ZC3H3: variants seen among roughly 807,000 people sequenced by gnomAD.
ZC3H3 encodes zinc finger CCCH domain-containing protein 3.
A neutral mutation model predicts 77.3 loss-of-function variants in ZC3H3; 36 were observed. That is an observed-to-expected ratio of 0.47 (90% CI 0.36 to 0.61). The LOEUF (loss-of-function observed/expected upper bound fraction) is 0.61. Among genes scored for constraint, ZC3H3 ranks in the 20% least tolerant of loss-of-function variants. The pLI is 0.00. For missense variants in ZC3H3, 1,331 were observed against 1,312.2 expected (o/e 1.01, Z -0.22); for synonymous variants, 626 against 555.2 (o/e 1.13, Z -1.79).
At chr8:143,472,076 G>A (rs1028834586) in intron 5 of ZC3H3, among the ~76,000 whole-genome samples, 16 of 152,258 alleles carry the variant, frequency 1.1e-4, no homozygotes, top group African/African-American at 3.6e-4. Flanking sequence ...GATGGCAGGC[G>A]GGCCTCCCCA....
intron 9 of ZC3H3, among the ~76,000 whole-genome samples, chr8:143,454,330 A>C (rs1393574944): frequency 2.0e-5 from 3 of 151,066 alleles, no homozygotes; most frequent in Non-Finnish European, 4.4e-5. Flanking sequence ...ACCTCAGGTG[A>C]TCTGCCCACC....
intron 3 of ZC3H3, among the ~76,000 whole-genome samples, chr8:143,516,524 A>G (rs1351867169): frequency 1.8e-5 from 2 of 109,354 alleles, no homozygotes; most frequent in Non-Finnish European, 3.9e-5. Context: ...AAACTTTGCA[A>G]TCACACACAC....
intron 3 of ZC3H3, among the ~76,000 whole-genome samples, chr8:143,527,647 G>A (rs192556611): frequency 6.6e-6 from 1 of 152,302 alleles, no homozygotes; most frequent in East Asian, 1.9e-4. Flanking sequence ...TATGAAAGCA[G>A]GACTCCAGAT....
rs1819729136 is a variant in ZC3H3, at chr8:143,441,071, G to GC, written c.2356dup (p.Ala786GlyfsTer146). 3 of 1,470,298 alleles carry GC rather than the reference G, an allele frequency of 2.0e-6. No individual in the cohort carries two copies. The highest frequency in any genetic ancestry group is 2.7e-6 in the Non-Finnish European group (3 of 1,122,048). The allele number at this position is 1,470,298 out of a possible 1,614,324, so 91.1% of individuals were successfully genotyped here. ...CTGGCACTGGGCGCCGCGGGGACACGCCCCCCTGCGGGCAAAGTCGGGGCA... is the reference window on the plus strand; with the variant it reads ...CTGGCACTGGGCGCCGCGGGGACACGCCCCCCCTGCGGGCAAAGTCGGGGCA... On this transcript the variant is annotated frameshift_variant, in exon 10 of 12. Transcript: ENST00000262577. LOFTEE classifies it high-confidence loss of function.
In ZC3H3 at chr8:143,538,243, C is replaced by T. The variant is rs769646967; in HGVS notation, c.1124G>A (p.Ser375Asn). The change falls in exon 2 of 12, where the codon AGC becomes AAC. Residue 375 changes from serine (S) to asparagine (N), a missense_variant. Around this residue, in one of 3 missense-constraint regions of ZC3H3, gnomAD observed 978 missense variants for 915.5 expected, o/e 1.07. Transcript: ENST00000262577. ...ATSSKPGSAP[S>N]KYKWKASSPS... ...GCTGGAGGCCTTCCACTTGTACTTG[C>T]TGGGGGCAGACCCTGGCTTGGAGGA... 1 of 1,613,032 alleles carries T rather than the reference C, an allele frequency of 6.2e-7. No homozygotes were observed. Among genetic ancestry groups the T allele is most frequent in the Non-Finnish European group, 8.5e-7 (1 of 1,180,032 alleles).
At chr8:143,455,905 G>A (rs1031644287) in intron 9 of ZC3H3, among the ~76,000 whole-genome samples, 7 of 149,956 alleles carry the variant, frequency 4.7e-5, no homozygotes, top group Non-Finnish European at 7.4e-5. Context: ...CCCAGGAGGC[G>A]GAGGTTGCAG....
chr8:143,510,471 G>A (rs1047621132), intron 3 of ZC3H3, among the ~76,000 whole-genome samples: 1 of 152,250 alleles, frequency 6.6e-6, no homozygotes, highest in African/African-American at 2.4e-5. Flanking sequence ...CGGACAGATG[G>A]GTAGTAGCAG....
At chr8:143,519,182 G>T (rs984580618) in intron 3 of ZC3H3, among the ~76,000 whole-genome samples, 1 of 152,234 alleles carries the variant, frequency 6.6e-6, no homozygotes. Context: ...GGGGCACAGG[G>T]CCAGGCAGGC....
chr8:143,465,064 G>T (rs1001934685), intron 9 of ZC3H3, among the ~76,000 whole-genome samples: 1 of 152,072 alleles, frequency 6.6e-6, no homozygotes, highest in African/African-American at 2.4e-5. Context: ...GAACTTCCCA[G>T]ACAGGTGAGC....
In ZC3H3 at chr8:143,525,861, T is replaced by C. The variant is rs55971076; in HGVS notation, c.1561+10396A>G. Among the ~76,000 whole-genome samples, 166 of 152,352 alleles carry C rather than the reference T, an allele frequency of 1.1e-3. 2 individuals carry two copies. The highest frequency in any genetic ancestry group is 3.9e-3 in the African/African-American group (163 of 41,588). On this transcript the variant is annotated intron_variant, in intron 3 of 11. Coordinates refer to ENST00000262577, the MANE Select transcript of ZC3H3 (RefSeq NM_015117.3). Reference sequence around the variant, plus strand: ...AGGCCATGGAGGCGGGCAGTGCCTCTGCACCACTCTCCCAGGAGGCCTCCC... The same window carrying C: ...AGGCCATGGAGGCGGGCAGTGCCTCCGCACCACTCTCCCAGGAGGCCTCCC...
intron 8 of ZC3H3, among the ~76,000 whole-genome samples, chr8:143,466,895 G>A (rs1438224066): frequency 6.6e-6 from 1 of 152,190 alleles, no homozygotes; most frequent in African/African-American, 2.4e-5. Context: ...GGGGGATCTG[G>A]GCAGACCCAG....
intron 4 of ZC3H3, among the ~76,000 whole-genome samples, chr8:143,480,679 G>A (rs973343124): frequency 5.3e-5 from 8 of 152,296 alleles, no homozygotes; most frequent in African/African-American, 1.7e-4. Context: ...GCGGCTCCTC[G>A]GGTGAGTCCA....
chr8:143,527,727 G>A (rs1822464950), intron 3 of ZC3H3, among the ~76,000 whole-genome samples: 1 of 152,178 alleles, frequency 6.6e-6, no homozygotes, highest in Admixed American at 6.5e-5. Flanking sequence ...CACACAGCAA[G>A]CAATGGTGGA....
intron 4 of ZC3H3, among the ~76,000 whole-genome samples, chr8:143,503,552 A>C (rs1821593695): frequency 1.1e-5 from 1 of 91,402 alleles, no homozygotes; most frequent in Non-Finnish European, 2.2e-5. Context: ...GCACCCAGCC[A>C]TCTCCCCAAC....
chr8:143,457,940 A>G (rs1307954734), intron 9 of ZC3H3, among the ~76,000 whole-genome samples: 2 of 152,226 alleles, frequency 1.3e-5, no homozygotes, highest in Admixed American at 6.5e-5. Flanking sequence ...AGGAAAAAAA[A>G]CAGCAAAATA....
rs1822683179 is a variant in ZC3H3, at chr8:143,533,339, G to T, written c.1561+2918C>A. Among the ~76,000 whole-genome samples, 1 of 152,078 alleles carries T rather than the reference G, an allele frequency of 6.6e-6. No homozygotes were observed. The highest frequency in any genetic ancestry group is 6.5e-5 in the Admixed American group (1 of 15,274). On this transcript the variant is annotated intron_variant, in intron 3 of 11. Coordinates refer to ENST00000262577, the MANE Select transcript of ZC3H3 (RefSeq NM_015117.3). The surrounding 1 kb of genome is among the most constrained non-coding windows in gnomAD (Gnocchi z 4.0). ...GCCCTATTCGCTCCTCTCTGCTCAG[G>T]TCACCTCCTCAGAGAAGCCCTCCCA... is the stretch of plus-strand genomic sequence containing the variant.
At chr8:143,459,503 C>T (rs1038699409) in intron 9 of ZC3H3, among the ~76,000 whole-genome samples, 2 of 152,158 alleles carry the variant, frequency 1.3e-5, no homozygotes, top group South Asian at 2.1e-4. Context: ...GAGCTGAGAT[C>T]GTACCAGTGC....
chr8:143,493,833 G>A lies in ZC3H3; in HGVS notation c.1715+13913C>T, dbSNP rs917407555. On this transcript the variant is annotated intron_variant, in intron 4 of 11. Coordinates refer to ENST00000262577, the MANE Select transcript of ZC3H3 (RefSeq NM_015117.3). This position sits in a 1 kb window ranked among gnomAD's most constrained non-coding sequence, Gnocchi z 4.8. The stretch of plus-strand genomic sequence containing the variant: ...GAGGCCAGTAATATTTTATATAATC[G>A]CCGAGTGGTTTAAATTGAAAACCCC... Among the ~76,000 whole-genome samples, 49 of 152,240 alleles carry A rather than the reference G, an allele frequency of 3.2e-4. No homozygotes were observed. The highest frequency in any genetic ancestry group is 1.0e-3 in the African/African-American group (43 of 41,526).
chr8:143,519,078 T>C (rs1358546298), intron 3 of ZC3H3, among the ~76,000 whole-genome samples: 1 of 152,190 alleles, frequency 6.6e-6, no homozygotes, highest in African/African-American at 2.4e-5. Context: ...CAGCGAGCAC[T>C]ACGCCGGCCT....
Sources: gnomAD v4.1 joint callset for allele counts (sites outside exome capture counted in the v4.1 genomes callset) on GRCh38, gnomAD v4.1.1 for gene constraint, gnomAD v4.1.1 regional missense constraint, Gnocchi (gnomAD v3.1) non-coding constraint, MANE v1.5 for transcripts, NCBI Gene and HGNC (gene_info 2026-07-23, HGNC 2026-07-21) for gene names.